The following COL17A1 variants were observed in gnomAD, a reference collection of about 807,000 sequenced individuals.
COL17A1 encodes the protein collagen alpha-1(XVII) chain.
Under a neutral mutation model 218.4 loss-of-function variants are expected in COL17A1, and 181 were observed. That is an observed-to-expected ratio of 0.83 (90% confidence interval 0.73 to 0.94). The LOEUF is 0.94. Ranked by LOEUF, COL17A1 falls within the 40% of genes least tolerant of loss-of-function variation. COL17A1 has a pLI of 0.00. For synonymous variants in COL17A1, 721 were observed against 731.0 expected (o/e 0.99, Z 0.22); for missense variants, 1,924 against 1,945.9 (o/e 0.99, Z 0.21).
At chr10:104,084,461 C>G (rs7911229) in intron 1 of COL17A1, among the ~76,000 whole-genome samples, 1 of 151,906 alleles carries the variant, frequency 6.6e-6, no homozygotes, top group South Asian at 2.1e-4. Context: ...AGGCATGCAC[C>G]GCCACACCCA....
rs756171840 is a variant in COL17A1, at chr10:104,056,842, G to T, written c.1465+133C>A. ...AGTTTACTCATCTGCGGTAACAAGGGTCTGCACCAATGCATTCAGGTCCCC... is the reference window on the plus strand; with the variant it reads ...AGTTTACTCATCTGCGGTAACAAGGTTCTGCACCAATGCATTCAGGTCCCC... On this transcript the variant is annotated intron_variant, in intron 17 of 55. Coordinates refer to ENST00000648076, the MANE Select transcript of COL17A1 (RefSeq NM_000494.4). 4.0e-6 allele frequency: 6 copies of T among 1,518,044 alleles called. No homozygotes were observed. In the African/African-American group the frequency reaches 4.1e-5, roughly 10 times the overall value. The allele number at this position is 1,518,044 out of a possible 1,614,324, so 94.0% of individuals were successfully genotyped here. A position where few individuals can be genotyped will look rare whatever the true frequency, so the allele number is the denominator to read the frequency against.
intron 2 of COL17A1, among the ~76,000 whole-genome samples, chr10:104,079,469 G>A (rs1053019429): frequency 6.6e-6 from 1 of 152,154 alleles, no homozygotes; most frequent in Admixed American, 6.5e-5. Flanking sequence ...GGAAGATGGT[G>A]CAGGATCATT....
intron 9 of COL17A1, among the ~76,000 whole-genome samples, chr10:104,065,433 A>G (rs1282195154): frequency 6.6e-6 from 1 of 152,194 alleles, no homozygotes; most frequent in Non-Finnish European, 1.5e-5. Flanking sequence ...GACATGTAAT[A>G]TGGAACAGCT....
chr10:104,038,755 C>T (rs935336158), intron 44 of COL17A1, among the ~76,000 whole-genome samples: 2 of 152,142 alleles, frequency 1.3e-5, no homozygotes, highest in African/African-American at 4.8e-5. Context: ...ACCGCCCTTT[C>T]CTTCTGCAAC....
At chr10:104,061,511 TTC>T in intron 12 of COL17A1, 38 bp from the exon 13 acceptor site, 16 of 1,598,404 alleles carry the variant, frequency 1.0e-5, no homozygotes, top group Non-Finnish European at 1.4e-5. Context: ...GGGAGGGTGG[TTC>T]CAGGTGACTC....
In COL17A1 at chr10:104,037,627, A is replaced by G. The variant is rs1417455456; in HGVS notation, c.3208+9T>C. 6.2e-7 allele frequency: 1 copy of G among 1,614,086 alleles called. No individual in the cohort carries two copies. The highest frequency in any genetic ancestry group is 1.7e-5 in the Admixed American group (1 of 60,024). On this transcript the variant is annotated intron_variant, in intron 46 of 55. Coordinates refer to ENST00000648076, the MANE Select transcript of COL17A1 (RefSeq NM_000494.4). ...AGGTGCCAGGTGCAGGGCGTGGGGA[A>G]GGGCTTACTCCGTAAGTAGCTCACA...
rs138798317 is a variant in COL17A1 at position 104,041,327 on chromosome 10, G to A, written c.2623C>T (p.Pro875Ser). 8.3e-5 allele frequency: 134 copies of A among 1,610,664 alleles called. No homozygotes were observed. The African/African-American group carries it at 1.6e-3, about 19-fold the overall frequency. ...RGPPGPSIPGPPGPRGPPGEG... is the reference protein window; with the variant it reads ...RGPPGPSIPGSPGPRGPPGEG... Reference sequence around the variant, plus strand: ...CCTGGTGGGCCTCGGGGTCCTGGTGGGCCTGGAATGGAAGGCCCTGCAGAA... The same window carrying A: ...CCTGGTGGGCCTCGGGGTCCTGGTGAGCCTGGAATGGAAGGCCCTGCAGAA... The change falls in exon 38 of 56, where the codon CCA becomes TCA. Residue 875 changes from proline to serine, a missense_variant. Transcript: ENST00000648076.
chr10:104,077,932 G>A (rs1426018795), intron 3 of COL17A1, among the ~76,000 whole-genome samples: 1 of 152,244 alleles, frequency 6.6e-6, no homozygotes, highest in Admixed American at 6.5e-5. Flanking sequence ...GCCACTAGAA[G>A]TGCTGGAGGG....
chr10:104,036,965 G>C, intron 47 of COL17A1, 80 bp downstream of exon 47: 1 of 1,320,544 alleles, frequency 7.6e-7, no homozygotes. Flanking sequence ...AGGCTCAGAC[G>C]AGGACAAGGT....
chr10:104,076,318 G>T lies in COL17A1; in HGVS notation c.314C>A (p.Thr105Asn). ...GSTFERKTHV[T>N]RHAYEGSSSG... Reference sequence around the variant, plus strand: ...ACTGATACCTTCATACGCATGGCGGGTAACGTGAGTTTTCCTTTCAAAGGT... The same window carrying T: ...ACTGATACCTTCATACGCATGGCGGTTAACGTGAGTTTTCCTTTCAAAGGT... Residue 105 changes from threonine (T) to asparagine (N), a missense_variant, in exon 5 of 56, where the codon ACC becomes AAC. Thr to Asn is a moderately conservative substitution (Grantham distance 65). Coordinates refer to ENST00000648076, the MANE Select transcript of COL17A1 (RefSeq NM_000494.4). The T allele has an allele frequency of 1.9e-6, 3 of 1,614,188 alleles. No individual in the cohort carries two copies. Among genetic ancestry groups the T allele is most frequent in the Non-Finnish European group, 2.5e-6 (3 of 1,180,020 alleles).
In COL17A1 at chr10:104,035,512, G is replaced by C; in HGVS notation, c.3470C>G (p.Pro1157Arg). Residue 1157 changes from proline to arginine, a missense_variant, in exon 49 of 56, where the codon CCG (proline) becomes CGG (arginine). Transcript: ENST00000648076. ...GAGGAGCTCCTCATAGGAGGTTCCC[G>C]GCAAGCCAGGGGGCCCCGGGGGACC... ...LPGPPGPPGLPGTSYEELLSL... is the reference protein window; with the variant it reads ...LPGPPGPPGLRGTSYEELLSL... 1 of 1,614,016 alleles carries C rather than the reference G, an allele frequency of 6.2e-7. No homozygotes were observed. The highest frequency in any genetic ancestry group is 8.5e-7 in the Non-Finnish European group (1 of 1,179,978).
intron 17 of COL17A1, 36 bp from the exon 18 acceptor site, chr10:104,056,039 C>A: frequency 6.2e-7 from 1 of 1,612,150 alleles, no homozygotes; most frequent in Non-Finnish European, 8.5e-7. Flanking sequence ...TCACTGAGGG[C>A]CCGGTCCTTC....
intron 1 of COL17A1, 115 bp downstream of exon 1, chr10:104,085,608 T>A (rs954226243): frequency 2.0e-5 from 3 of 152,500 alleles, no homozygotes; most frequent in East Asian, 3.8e-4. Flanking sequence ...ACCAGAATGC[T>A]AGAAACTACA....
intron 23 of COL17A1, 97 bp from the exon 24 acceptor site, chr10:104,052,314 G>C (rs2086477788): frequency 2.0e-6 from 3 of 1,514,050 alleles, no homozygotes; most frequent in Non-Finnish European, 2.7e-6. Context: ...TTCCCACCCT[G>C]CTAGTGGTCT....
At chr10:104,051,790 C>T (rs538265744) in intron 24 of COL17A1, among the ~76,000 whole-genome samples, 1 of 152,300 alleles carries the variant, frequency 6.6e-6, no homozygotes, top group African/African-American at 2.4e-5. Flanking sequence ...GCCCATTCTC[C>T]CTGGGTTGCC....
At chr10:104,055,626 C>T (rs1398486888) in intron 18 of COL17A1, among the ~76,000 whole-genome samples, 156 bp downstream of exon 18, 1 of 152,094 alleles carries the variant, frequency 6.6e-6, no homozygotes, top group Non-Finnish European at 1.5e-5. Context: ...CAGTCTTGGT[C>T]CCACCTACCT....
At chr10:104,056,575 C>A in intron 17 of COL17A1, among the ~76,000 whole-genome samples, 1 of 78,752 alleles carries the variant, frequency 1.3e-5, no homozygotes, top group East Asian at 3.4e-4. Flanking sequence ...GAACGAGACG[C>A]CGTCTCAAAA....
At chr10:104,039,738 G>T in intron 41 of COL17A1, 98 bp from the exon 42 acceptor site, 1 of 1,551,938 alleles carries the variant, frequency 6.4e-7, no homozygotes, top group Non-Finnish European at 8.9e-7. Context: ...CTGGGGCTGC[G>T]TTGCCCTTTG....
Position 104,082,141 on chromosome 10 carries a change from A to G in COL17A1, c.-11-1457T>C, listed in dbSNP as rs758475186. Among the ~76,000 whole-genome samples the G allele has an allele frequency of 7.9e-5, 12 of 152,190 alleles. 1 individual carries two copies. Among genetic ancestry groups the G allele is most frequent in the Non-Finnish European group, 1.8e-4 (12 of 68,024 alleles). ...GTTGGTGTTTTTCAAACACAGCTCG[A>G]GGCAAGGAATGAGGCACAATGGAAA... On this transcript the variant is annotated intron_variant, in intron 1 of 55. Coordinates refer to ENST00000648076, the MANE Select transcript of COL17A1 (RefSeq NM_000494.4).
Sources: allele counts gnomAD v4.1 joint callset (sites outside exome capture counted in the v4.1 genomes callset), GRCh38; gene constraint gnomAD v4.1.1; transcripts MANE v1.5; gene names NCBI Gene and HGNC (gene_info 2026-07-23, HGNC 2026-07-21).